Variants in RYR1 observed in about 807,000 individuals in gnomAD.
RYR1 encodes the protein ryanodine receptor 1.
A neutral mutation model predicts 583.5 loss-of-function variants in RYR1; 342 were observed. The ratio of observed to expected loss-of-function variants is 0.59; its 90% confidence interval spans 0.54 to 0.64. The LOEUF is 0.64. Among genes scored for constraint, RYR1 ranks in the 30% least tolerant of loss-of-function variants. RYR1 has a pLI of 0.00. For missense variants in RYR1, 6,032 were observed against 6,917.2 expected (o/e 0.87, Z 4.54); for synonymous variants, 2,791 against 2,822.5 (o/e 0.99, Z 0.35).
intron 71 of RYR1, among the ~76,000 whole-genome samples, chr19:38,526,057 CAG>C (rs1316285801): frequency 2.0e-5 from 3 of 151,970 alleles, no homozygotes; most frequent in Non-Finnish European, 4.4e-5. Context: ...CCAAGACTCT[CAG>C]GGGCTCAGGG....
In RYR1 at chr19:38,586,511, C is replaced by T. The variant is rs776597162; in HGVS notation, c.14970-14C>T. The T allele has an allele frequency of 1.5e-5, 24 of 1,612,750 alleles. No individual in the cohort carries two copies. The highest frequency in any genetic ancestry group is 3.3e-5 in the South Asian group (3 of 91,056). On this transcript the variant is annotated splice_polypyrimidine_tract_variant and intron_variant, in intron 104 of 105. Coordinates refer to ENST00000359596, the MANE Select transcript of RYR1 (RefSeq NM_000540.3). ...GTGGTTCTGACTTGTCTCCTGTGGT[C>T]CTCTCACCCTCAGGTTTTTCCTGAT... is the stretch of plus-strand genomic sequence containing the variant.
chr19:38,543,694 G>A lies in RYR1; in HGVS notation c.11907+34G>A. 6.2e-7 allele frequency: 1 copy of A among 1,612,298 alleles called. No individual in the cohort carries two copies. On this transcript the variant is annotated intron_variant, in intron 86 of 105. Transcript: ENST00000359596. The surrounding 1 kb of genome is among the most constrained non-coding windows in gnomAD (Gnocchi z 4.4). ...CTCCCCCTGGGGCGGGAGTGGGAAG[G>A]GAGGGGGTCCCGCATCGTGATCCCT...
chr19:38,515,114 A>C lies in RYR1; in HGVS notation c.9554+7A>C. On this transcript the variant is annotated splice_region_variant and intron_variant, in intron 64 of 105. Transcript: ENST00000359596. ...AGAACACTTATGTGGAAAAGTAAGG[A>C]GAGGGAGCCATCGTTTGGGGCTGGG... The C allele has an allele frequency of 6.7e-7, 1 of 1,503,090 alleles. No homozygotes were observed. Among genetic ancestry groups the C allele is most frequent in the Non-Finnish European group, 9.1e-7 (1 of 1,103,530 alleles). The allele number at this position is 1,503,090 out of a possible 1,614,324, so 93.1% of individuals were successfully genotyped here.
At chr19:38,435,225 G>A (rs772377151) in intron 1 of RYR1, among the ~76,000 whole-genome samples, 7 of 152,158 alleles carry the variant, frequency 4.6e-5, no homozygotes, top group Admixed American at 1.3e-4. Flanking sequence ...ACCAAGGCCC[G>A]AATGGTAGAA....
chr19:38,531,116 G>C (rs995127645), intron 76 of RYR1, among the ~76,000 whole-genome samples: 1 of 151,068 alleles, frequency 6.6e-6, no homozygotes, highest in Non-Finnish European at 1.5e-5. Flanking sequence ...TTACAGGCAC[G>C]AGCCACCGCG....
At chr19:38,485,085 T>G (rs183271028) in intron 33 of RYR1, among the ~76,000 whole-genome samples, 14 of 152,258 alleles carry the variant, frequency 9.2e-5, no homozygotes, top group African/African-American at 3.4e-4. Context: ...GTCCTGCCCT[T>G]GGAATTTACA....
intron 89 of RYR1, 132 bp downstream of exon 89, chr19:38,548,552 T>A: frequency 2.4e-6 from 2 of 819,626 alleles, no homozygotes; most frequent in Non-Finnish European, 4.0e-6. Flanking sequence ...AAAATGAGGA[T>A]AAAACAGTCC....
chr19:38,474,638 G>C (rs549703430), intron 28 of RYR1, among the ~76,000 whole-genome samples: 15 of 130,350 alleles, frequency 1.2e-4, no homozygotes, highest in Admixed American at 1.1e-3. Flanking sequence ...GCAATGGCAC[G>C]ATCTTGGCTC....
chr19:38,501,335 T>C (rs928439820), intron 47 of RYR1, among the ~76,000 whole-genome samples: 1 of 151,878 alleles, frequency 6.6e-6, no homozygotes, highest in Non-Finnish European at 1.5e-5. Context: ...GCATCTCTAC[T>C]AAAAGTACAA....
Position 38,478,527 on chromosome 19 carries a change from G to A in RYR1, c.4547G>A (p.Gly1516Glu). ...ATCAGCCACACGGACCTTGTCATTG[G>A]GTGCCTGGTGGACTTGGCCACTGGC... is the stretch of plus-strand genomic sequence containing the variant. ...GRISHTDLVI[G>E]CLVDLATGLM... The change falls in exon 31 of 106, where the codon GGG becomes GAG. Residue 1516 changes from glycine to glutamate, a missense_variant. By Grantham distance (98) the Gly-to-Glu change is moderately conservative. This residue lies in a region of RYR1 where 2,627 missense variants were observed against 2,961.3 expected (regional missense o/e 0.89). Transcript: ENST00000359596. 6.2e-7 allele frequency: 1 copy of A among 1,614,114 alleles called. No homozygotes were observed. The highest frequency in any genetic ancestry group is 8.5e-7 in the Non-Finnish European group (1 of 1,180,042).
intron 93 of RYR1, 22 bp from the exon 94 acceptor site, chr19:38,570,581 TTCTC>T: frequency 6.3e-7 from 1 of 1,576,990 alleles, no homozygotes; most frequent in Non-Finnish European, 8.7e-7. Context: ...TGTGAGCGCT[TTCTC>T]TCTTTTTCTC....
chr19:38,508,457 C>T (rs556537718), intron 58 of RYR1, among the ~76,000 whole-genome samples: 54 of 152,144 alleles, frequency 3.5e-4, no homozygotes, highest in Non-Finnish European at 6.9e-4. Flanking sequence ...CGTGATCTGC[C>T]GCCTCGGCCT....
intron 22 of RYR1, 139 bp downstream of exon 22, chr19:38,463,989 G>T (rs1038776412): frequency 1.4e-6 from 1 of 721,352 alleles, no homozygotes. Context: ...TAAACAAATG[G>T]GGAGTGGCCG....
Position 38,535,382 on chromosome 19 carries a change from C to G in RYR1, c.11506C>G (p.Gln3836Glu). The G allele has an allele frequency of 3.7e-6, 6 of 1,613,650 alleles. No homozygotes were observed. The highest frequency in any genetic ancestry group is 5.1e-6 in the Non-Finnish European group (6 of 1,179,552). Reference protein sequence around the residue: ...GFFQSIQALMQTCSVLDLNAF... With the variant: ...GFFQSIQALMETCSVLDLNAF... Reference sequence around the variant, plus strand: ...CTTCCAGAGTATCCAGGCACTGATGCAAACATGCAGGTAGGTTCGAGTGGA... The same window carrying G: ...CTTCCAGAGTATCCAGGCACTGATGGAAACATGCAGGTAGGTTCGAGTGGA... The change falls in exon 81 of 106, where the codon CAA (glutamine) becomes GAA (glutamate). Residue 3836 changes from glutamine (Q) to glutamate (E), a missense_variant. This residue lies in a region of RYR1 where 1,493 missense variants were observed against 1,715.5 expected (regional missense o/e 0.87). Transcript: ENST00000359596.
At chr19:38,520,807 A>C (rs1971196189) in intron 67 of RYR1, among the ~76,000 whole-genome samples, 1 of 151,998 alleles carries the variant, frequency 6.6e-6, no homozygotes, top group African/African-American at 2.4e-5. Context: ...AGTAAATATG[A>C]ACAAATTGTG....
chr19:38,471,257 G>C (rs977465433), intron 27 of RYR1, among the ~76,000 whole-genome samples: 3 of 152,192 alleles, frequency 2.0e-5, no homozygotes, highest in Non-Finnish European at 4.4e-5. Context: ...GGTTGGATGC[G>C]GTGGCTCACG....
intron 81 of RYR1, 26 bp downstream of exon 81, chr19:38,535,418 T>A: frequency 6.3e-7 from 1 of 1,585,514 alleles, no homozygotes; most frequent in South Asian, 1.1e-5. Context: ...CCTCTTCTTG[T>A]TAAGCTGTGT....
chr19:38,455,561 G>T lies in RYR1; in HGVS notation c.1672+15G>T. ...GGCCTCGTCTGGTAGGAGAACCCGG[G>T]GGAGTGGGACAGAGGCTTGTGGGAG... On this transcript the variant is annotated intron_variant, in intron 15 of 105. Coordinates refer to ENST00000359596, the MANE Select transcript of RYR1 (RefSeq NM_000540.3). 6.2e-7 allele frequency: 1 copy of T among 1,613,796 alleles called. No homozygotes were observed. Among genetic ancestry groups the T allele is most frequent in the South Asian group, 1.1e-5 (1 of 91,066 alleles).
At position 38,492,591 on chromosome 19, in the gene RYR1, G is replaced by C; in HGVS notation, c.6229G>C (p.Glu2077Gln). The change falls in exon 38 of 106, where the codon GAA becomes CAA. Residue 2077 changes from glutamate to glutamine, a missense_variant. By Grantham distance (29) the Glu-to-Gln change is conservative. This residue lies in a region of RYR1 where 2,627 missense variants were observed against 2,961.3 expected (regional missense o/e 0.89). Coordinates refer to ENST00000359596, the MANE Select transcript of RYR1 (RefSeq NM_000540.3). Reference sequence around the variant, plus strand: ...GAAAGTGCGGCTGGTGAAGAAGAAGGAAGAGAAACCTGAGGAGGAGCGGTC... The same window carrying C: ...GAAAGTGCGGCTGGTGAAGAAGAAGCAAGAGAAACCTGAGGAGGAGCGGTC... The part of the protein sequence containing the change: ...LEKVRLVKKK[E>Q]EKPEEERSAE... 1 of 1,583,030 alleles carries C rather than the reference G, an allele frequency of 6.3e-7. No homozygotes were observed. The highest frequency in any genetic ancestry group is 8.6e-7 in the Non-Finnish European group (1 of 1,160,892).
Sources: gnomAD v4.1 joint callset for allele counts (sites outside exome capture counted in the v4.1 genomes callset) on GRCh38, gnomAD v4.1.1 for gene constraint, gnomAD v4.1.1 regional missense constraint, Gnocchi (gnomAD v3.1) non-coding constraint, MANE v1.5 for transcripts, NCBI Gene and HGNC (gene_info 2026-07-23, HGNC 2026-07-21) for gene names.